VIPR2: variants seen among roughly 807,000 people sequenced by gnomAD.
The protein encoded by VIPR2 is vasoactive intestinal peptide receptor 2, also known as vasoactive intestinal polypeptide receptor 2.
In VIPR2, 48 loss-of-function variants were observed where a neutral mutation model predicts 58.0. That is an observed-to-expected ratio of 0.83 (90% CI 0.66 to 1.05). The LOEUF (loss-of-function observed/expected upper bound fraction) is 1.05, where lower values mean the gene tolerates loss of function less well. VIPR2 is among the 50% of genes least tolerant of loss of function. VIPR2 has a pLI of 0.00. For synonymous variants in VIPR2, 243 were observed against 235.2 expected, an observed-to-expected ratio of 1.03 and a Z score of -0.30; for missense variants, 534 against 558.0, an observed-to-expected ratio of 0.96 and a Z score of 0.43.
intron 4 of VIPR2, among the ~76,000 whole-genome samples, chr7:159,062,082 A>G (rs1353530986): frequency 6.6e-6 from 1 of 152,188 alleles, no homozygotes. Flanking sequence ...CGGTGTGGCC[A>G]TGGGGCGCCG....
At chr7:159,138,959 G>A (rs1009638425) in intron 2 of VIPR2, among the ~76,000 whole-genome samples, 6 of 152,176 alleles carry the variant, frequency 3.9e-5, no homozygotes, top group Non-Finnish European at 7.3e-5. Context: ...GGGAGAAGCA[G>A]CAGAAACATG....
At position 159,050,865 on chromosome 7, in the gene VIPR2, T is replaced by C. The variant is rs1472917001; in HGVS notation, c.455+7616A>G. 2.0e-5 allele frequency among the ~76,000 whole-genome samples: 3 copies of C among 152,136 alleles called. No individual in the cohort carries two copies. In the East Asian group the frequency reaches 5.8e-4, roughly 29 times the overall value. On this transcript the variant is annotated intron_variant, in intron 5 of 12. Coordinates refer to ENST00000262178, the MANE Select transcript of VIPR2 (RefSeq NM_003382.5). The stretch of plus-strand genomic sequence containing the variant: ...AACTGCTAAAAACTGAAAAAAGTCT[T>C]CAAAGCTTTCAGAGGAAAAAAGACA...
chr7:159,039,613 G>A (rs188266950), intron 6 of VIPR2, among the ~76,000 whole-genome samples: 96 of 17,112 alleles, frequency 5.6e-3, no homozygotes, highest in African/African-American at 0.016. Context: ...GGCGCTTTGC[G>A]ATGGGATTAG....
chr7:159,070,903 G>A (rs1159941869), intron 4 of VIPR2, among the ~76,000 whole-genome samples: 3 of 152,182 alleles, frequency 2.0e-5, no homozygotes, highest in Non-Finnish European at 2.9e-5. Context: ...TGAAGCACAC[G>A]CAGGTGGGAA....
chr7:159,093,745 T>C lies in VIPR2; in HGVS notation c.357+10012A>G, dbSNP rs939287312. Among the ~76,000 whole-genome samples, 3 of 150,942 alleles carry C rather than the reference T, an allele frequency of 2.0e-5. No homozygotes were observed. The East Asian group carries it at 5.9e-4, about 30-fold the overall frequency. Reference sequence around the variant, plus strand: ...TCCGGACATGGGAGACCCCGCAGCGTCCCTGGGTCCGGAGATGGGAGACCC... The same window carrying C: ...TCCGGACATGGGAGACCCCGCAGCGCCCCTGGGTCCGGAGATGGGAGACCC... On this transcript the variant is annotated intron_variant, in intron 4 of 12. Transcript: ENST00000262178. The surrounding 1 kb of genome is among the most constrained non-coding windows in gnomAD (Gnocchi z 6.7).
At position 159,110,039 on chromosome 7, in the gene VIPR2, C is replaced by T. The variant is rs1403358139; in HGVS notation, c.152-120G>A. ...TTCCTGTGAAACACACTTGCACCAA[C>T]ACAATTATTGAGACTATAGTTAGCT... On this transcript the variant is annotated intron_variant, in intron 2 of 12. Transcript: ENST00000262178. The T allele has an allele frequency of 3.4e-6, 3 of 870,654 alleles. No homozygotes were observed. The African/African-American group carries it at 5.0e-5, about 14-fold the overall frequency. The allele number at this position is 870,654 out of a possible 1,614,324, so 53.9% of individuals were successfully genotyped here.
chr7:159,074,262 A>G lies in VIPR2; in HGVS notation c.358-15684T>C, dbSNP rs1007989788. 5.3e-5 allele frequency among the ~76,000 whole-genome samples: 8 copies of G among 152,350 alleles called. No individual in the cohort carries two copies. The South Asian group carries it at 1.0e-3, about 20-fold the overall frequency. ...ACTGAGCGGAAAATGTTCTGGGCCT[A>G]AAGTGAGGAAACTGAAGCACTTCCC... On this transcript the variant is annotated intron_variant, in intron 4 of 12. Coordinates refer to ENST00000262178, the MANE Select transcript of VIPR2 (RefSeq NM_003382.5).
chr7:159,113,935 T>C (rs1210903845), intron 2 of VIPR2, among the ~76,000 whole-genome samples: 1 of 152,146 alleles, frequency 6.6e-6, no homozygotes, highest in Non-Finnish European at 1.5e-5. Context: ...ATGAAAGAGA[T>C]GCTGCCATAG....
At chr7:159,062,786 T>C (rs906853455) in intron 4 of VIPR2, among the ~76,000 whole-genome samples, 2 of 152,180 alleles carry the variant, frequency 1.3e-5, no homozygotes, top group African/African-American at 4.8e-5. Context: ...TTTATTCCCT[T>C]ATCTGGCCCC....
chr7:159,068,004 G>A (rs1171457496), intron 4 of VIPR2, among the ~76,000 whole-genome samples: 1 of 152,338 alleles, frequency 6.6e-6, no homozygotes, highest in South Asian at 2.1e-4. Flanking sequence ...TCCAGGCTGC[G>A]GCTCCTGCAT....
intron 2 of VIPR2, among the ~76,000 whole-genome samples, chr7:159,131,949 C>T (rs1563354142): frequency 6.7e-6 from 1 of 149,154 alleles, no homozygotes; most frequent in Non-Finnish European, 1.5e-5. Context: ...AGCCAACAAA[C>T]TTTAATAATC....
At chr7:159,044,841 T>C (rs1854552583) in intron 5 of VIPR2, among the ~76,000 whole-genome samples, 1 of 152,062 alleles carries the variant, frequency 6.6e-6, no homozygotes, top group Non-Finnish European at 1.5e-5. Context: ...TCTTGGCTCA[T>C]TGCAACTTCT....
chr7:159,108,634 G>T (rs1167906087), intron 3 of VIPR2, among the ~76,000 whole-genome samples: 1 of 152,220 alleles, frequency 6.6e-6, no homozygotes, highest in African/African-American at 2.4e-5. Context: ...TGGGCGCCTG[G>T]TGCCCAGATG....
At position 159,043,057 on chromosome 7, in the gene VIPR2, C is replaced by T. The variant is rs1854442068; in HGVS notation, c.575G>A (p.Cys192Tyr). 6.2e-7 allele frequency: 1 copy of T among 1,614,104 alleles called. No individual in the cohort carries two copies. The highest frequency in any genetic ancestry group is 8.5e-7 in the Non-Finnish European group (1 of 1,179,988). ...TACCCAGGAGGATGGCTGGTCAGGG[C>T]AGTGCAACGTGCCAGAGCTGGAGTA... The part of the protein sequence containing the change: ...VLYSSSGTLH[C>Y]PDQPSSWVGC... The change falls in exon 6 of 13, where the codon TGC becomes TAC. Residue 192 changes from cysteine (C) to tyrosine (Y), a missense_variant. Cys to Tyr is a radical substitution (Grantham distance 194, BLOSUM62 -2). This residue lies in a region of VIPR2 where 224 missense variants were observed against 255.7 expected (regional missense o/e 0.88). Transcript: ENST00000262178.
At position 159,096,339 on chromosome 7, in the gene VIPR2, G is replaced by A. The variant is rs929783131; in HGVS notation, c.357+7418C>T. ...GTCAGGCACGTACCTCCCCTCCTCC[G>A]GCATCGGCCAGCTCCATGCCCAGAA... is the stretch of plus-strand genomic sequence containing the variant. On this transcript the variant is annotated intron_variant, in intron 4 of 12. Transcript: ENST00000262178. The surrounding 1 kb of genome is among the most constrained non-coding windows in gnomAD (Gnocchi z 5.5). Among the ~76,000 whole-genome samples, 4 of 152,146 alleles carry A rather than the reference G, an allele frequency of 2.6e-5. No individual in the cohort carries two copies. Among genetic ancestry groups the A allele is most frequent in the Non-Finnish European group, 5.9e-5 (4 of 68,022 alleles).
At chr7:159,061,883 G>A (rs2129494146) in intron 4 of VIPR2, among the ~76,000 whole-genome samples, 1 of 152,232 alleles carries the variant, frequency 6.6e-6, no homozygotes, top group African/African-American at 2.4e-5. Flanking sequence ...CGGCTCGGAC[G>A]CACTGCTAGC....
intron 2 of VIPR2, among the ~76,000 whole-genome samples, chr7:159,111,555 C>T (rs1469716433): frequency 6.6e-6 from 1 of 152,072 alleles, no homozygotes; most frequent in East Asian, 1.9e-4. Context: ...TGGTACACAC[C>T]TGTAATCCCA....
intron 3 of VIPR2, among the ~76,000 whole-genome samples, chr7:159,106,005 G>A (rs894701472): frequency 3.3e-5 from 5 of 152,190 alleles, no homozygotes; most frequent in African/African-American, 7.2e-5. Context: ...GAGATGAGAC[G>A]GCCAAGGCTG....
intron 5 of VIPR2, among the ~76,000 whole-genome samples, chr7:159,056,589 C>T (rs950852272): frequency 3.3e-5 from 5 of 152,050 alleles, no homozygotes; most frequent in Admixed American, 6.6e-5. Flanking sequence ...TTGTTGTGAG[C>T]GTCAACACTG....
Sources: allele counts gnomAD v4.1 joint callset (sites outside exome capture counted in the v4.1 genomes callset), GRCh38; gene constraint gnomAD v4.1.1; regional missense constraint gnomAD v4.1.1; non-coding constraint Gnocchi (gnomAD v3.1); transcripts MANE v1.5; gene names NCBI Gene and HGNC (gene_info 2026-07-23, HGNC 2026-07-21).